P2RX7: variants seen among roughly 807,000 people sequenced by gnomAD.
P2RX7 encodes the protein P2X purinoceptor 7.
Under a neutral mutation model 71.6 loss-of-function variants are expected in P2RX7, and 62 were observed. That is an observed-to-expected ratio of 0.87 (90% CI 0.71 to 1.07). The LOEUF is 1.07. P2RX7 is among the 50% of genes least tolerant of loss of function. P2RX7 has a pLI of 0.00. For synonymous variants in P2RX7, 299 were observed against 283.3 expected, an observed-to-expected ratio of 1.06 and a Z score of -0.56; for missense variants, 686 against 748.5, an observed-to-expected ratio of 0.92 and a Z score of 0.97.
At chr12:121,181,665 G>A (rs2136165797) in intron 12 of P2RX7, among the ~76,000 whole-genome samples, 1 of 152,178 alleles carries the variant, frequency 6.6e-6, no homozygotes, top group South Asian at 2.1e-4. Flanking sequence ...AGACCAGCCT[G>A]ACCAACATGG....
Position 121,133,100 on chromosome 12 carries a change from G to A in P2RX7, c.125+5G>A. 1 of 1,614,156 alleles carries A rather than the reference G, an allele frequency of 6.2e-7. No individual in the cohort carries two copies. Among genetic ancestry groups the A allele is most frequent in the Non-Finnish European group, 8.5e-7 (1 of 1,180,018 alleles). On this transcript the variant is annotated splice_donor_5th_base_variant and intron_variant, in intron 1 of 12. Coordinates refer to ENST00000328963, the MANE Select transcript of P2RX7 (RefSeq NM_002562.6). ...GATCATCTTTTCCTACGTTTGGTAA[G>A]TGGGATCTGGGGAGGACCCAGATCT...
intron 11 of P2RX7, 68 bp downstream of exon 11, chr12:121,177,514 G>A (rs1011028227): frequency 8.8e-6 from 13 of 1,480,908 alleles, no homozygotes; most frequent in Admixed American, 1.7e-5. Flanking sequence ...AGAAATGCAC[G>A]AAAATTAGGC....
At position 121,185,534 on chromosome 12, in the gene P2RX7, CTGGAGAATG is replaced by C. The variant is rs1334365918; in HGVS notation, c.*740_*748del. 1.3e-5 allele frequency: 2 copies of C among 152,658 alleles called. No individual in the cohort carries two copies. The highest frequency in any genetic ancestry group is 2.9e-5 in the Non-Finnish European group (2 of 68,068). The allele number at this position is 152,658 out of a possible 1,614,324, so 9.5% of individuals were successfully genotyped here. On this transcript the variant is annotated 3_prime_UTR_variant, in exon 13 of 13. Transcript: ENST00000328963. Reference sequence around the variant, plus strand: ...TAAAAACAAACCCTTTTCATCCTGGCTGGAGAATGTGGAGAACTAAAGGTGGCCACAAAT... The same window carrying C: ...TAAAAACAAACCCTTTTCATCCTGGCTGGAGAACTAAAGGTGGCCACAAAT...
At chr12:121,155,313 C>A (rs1419976004) in intron 2 of P2RX7, 2 of 1,309,336 alleles carry the variant, frequency 1.5e-6, no homozygotes, top group Non-Finnish European at 2.0e-6. Flanking sequence ...CCAAAGAGCA[C>A]CAGCCCTTCT....
intron 1 of P2RX7, among the ~76,000 whole-genome samples, chr12:121,152,911 T>C (rs1877756919): frequency 6.6e-6 from 1 of 152,254 alleles, no homozygotes; most frequent in Non-Finnish European, 1.5e-5. Flanking sequence ...TTACAAGCAA[T>C]GCTGCAGAAA....
intron 12 of P2RX7, among the ~76,000 whole-genome samples, chr12:121,182,346 C>T (rs1389500725): frequency 3.3e-5 from 5 of 152,166 alleles, no homozygotes; most frequent in Non-Finnish European, 4.4e-5. Flanking sequence ...GAACTACAGT[C>T]ATGCATCACT....
chr12:121,152,141 G>T (rs1278150391), intron 1 of P2RX7, among the ~76,000 whole-genome samples: 1 of 151,376 alleles, frequency 6.6e-6, no homozygotes, highest in African/African-American at 2.4e-5. Context: ...CACCACACCC[G>T]GCTAATTTTT....
chr12:121,175,414 A>G lies in P2RX7; in HGVS notation c.908A>G (p.Asn303Ser). 1.2e-6 allele frequency: 2 copies of G among 1,605,118 alleles called. No homozygotes were observed. Among genetic ancestry groups the G allele is most frequent in the Non-Finnish European group, 1.7e-6 (2 of 1,171,834 alleles). Residue 303 changes from asparagine to serine, a missense_variant, in exon 9 of 13, where the codon AAT becomes AGT. Transcript: ENST00000328963. ...FRYAKYYKEN[N>S]VEKRTLIKVF... is the part of the protein sequence containing the mutation. Reference sequence around the variant, plus strand: ...TACGCCAAGTACTACAAGGAAAACAATGTTGAGAAACGGACTCTGATAAAA... The same window carrying G: ...TACGCCAAGTACTACAAGGAAAACAGTGTTGAGAAACGGACTCTGATAAAA...
At chr12:121,181,648 G>A (rs1425798448) in intron 12 of P2RX7, among the ~76,000 whole-genome samples, 1 of 152,106 alleles carries the variant, frequency 6.6e-6, no homozygotes, top group Admixed American at 6.6e-5. Context: ...CTGAGGTCAG[G>A]AGTTTGAGAC....
intron 8 of P2RX7, among the ~76,000 whole-genome samples, chr12:121,168,796 G>A (rs1222239132): frequency 1.3e-5 from 2 of 152,112 alleles, no homozygotes; most frequent in Non-Finnish European, 1.5e-5. Flanking sequence ...GAATATTTGA[G>A]TTGCTTCCAG....
chr12:121,135,208 G>A (rs573274900), intron 1 of P2RX7, among the ~76,000 whole-genome samples: 6 of 151,980 alleles, frequency 3.9e-5, no homozygotes, highest in African/African-American at 1.4e-4. Context: ...GAGTGGTGGT[G>A]CACACCTGTA....
In P2RX7 at chr12:121,181,666, A is replaced by G. The variant is rs563272528; in HGVS notation, c.1290+1211A>G. Among the ~76,000 whole-genome samples the G allele has an allele frequency of 2.1e-4, 32 of 151,784 alleles. No homozygotes were observed. In the East Asian group the frequency reaches 5.9e-3, roughly 28 times the overall value. ...AGGTCAGGAGTTTGAGACCAGCCTG[A>G]CCAACATGGAGAAACCCCATCTCTA... On this transcript the variant is annotated intron_variant, in intron 12 of 12. Coordinates refer to ENST00000328963, the MANE Select transcript of P2RX7 (RefSeq NM_002562.6).
chr12:121,157,405 G>C (rs1413597807), intron 3 of P2RX7, among the ~76,000 whole-genome samples: 1 of 152,190 alleles, frequency 6.6e-6, no homozygotes, highest in African/African-American at 2.4e-5. Context: ...TGTCTATCTT[G>C]ATAACACTCC....
intron 1 of P2RX7, among the ~76,000 whole-genome samples, chr12:121,148,355 T>C (rs1056100944): frequency 5.9e-5 from 9 of 151,860 alleles, no homozygotes; most frequent in Admixed American, 5.3e-4. Flanking sequence ...GCTGGAATTA[T>C]AGGCACCCAT....
chr12:121,164,957 G>A (rs208302), intron 5 of P2RX7, among the ~76,000 whole-genome samples: 35,056 of 151,936 alleles, frequency 0.23, 4,329 homozygotes, highest in African/African-American at 0.29. Context: ...GCAGGAGGCG[G>A]GTTTCGGGGG....
intron 1 of P2RX7, among the ~76,000 whole-genome samples, chr12:121,147,520 T>C (rs1282094232): frequency 6.6e-6 from 1 of 152,208 alleles, no homozygotes; most frequent in Non-Finnish European, 1.5e-5. Flanking sequence ...ATTATCACAA[T>C]GTACCTTTTA....
chr12:121,149,603 G>A lies in P2RX7; in HGVS notation c.126-5182G>A, dbSNP rs577933482. Among the ~76,000 whole-genome samples, 346 of 152,224 alleles carry A rather than the reference G, an allele frequency of 2.3e-3. 2 individuals carry two copies. Among genetic ancestry groups the A allele is most frequent in the African/African-American group, 7.8e-3 (322 of 41,536 alleles). ...CCCATGATTCAATTATCTCCCACCA[G>A]GTCCCTCCCACAACACATGGAAATT... On this transcript the variant is annotated intron_variant, in intron 1 of 12. Coordinates refer to ENST00000328963, the MANE Select transcript of P2RX7 (RefSeq NM_002562.6). The surrounding 1 kb of genome is among the most constrained non-coding windows in gnomAD (Gnocchi z 4.7).
intron 8 of P2RX7, among the ~76,000 whole-genome samples, chr12:121,174,325 G>A (rs1882725649): frequency 6.6e-6 from 1 of 151,966 alleles, no homozygotes; most frequent in African/African-American, 2.4e-5. Context: ...TGGGATTACA[G>A]GTGTGAGCCA....
chr12:121,136,875 C>T (rs1331263165), intron 1 of P2RX7, among the ~76,000 whole-genome samples: 1 of 151,964 alleles, frequency 6.6e-6, no homozygotes, highest in Non-Finnish European at 1.5e-5. Context: ...TCTTGAACTC[C>T]TGAGCTCAAG....
Sources: gnomAD v4.1 joint callset for allele counts (sites outside exome capture counted in the v4.1 genomes callset) on GRCh38, gnomAD v4.1.1 for gene constraint, Gnocchi (gnomAD v3.1) non-coding constraint, MANE v1.5 for transcripts, NCBI Gene and HGNC (gene_info 2026-07-23, HGNC 2026-07-21) for gene names.